CENPH: variants seen among roughly 807,000 people sequenced by gnomAD.
The protein encoded by CENPH is centromere protein H, also known as CENP-H.
Under a neutral mutation model 42.9 loss-of-function variants are expected in CENPH, and 40 were observed. The ratio of observed to expected loss-of-function variants is 0.93; its 90% confidence interval spans 0.72 to 1.21. The LOEUF (loss-of-function observed/expected upper bound fraction) is 1.21, where lower values mean the gene tolerates loss of function less well. Ranked by LOEUF, CENPH falls within the 50% of genes most tolerant of loss-of-function variation. The pLI, the probability that CENPH is intolerant of heterozygous loss-of-function variation, is 0.00. For synonymous variants in CENPH, 88 were observed against 96.5 expected, an observed-to-expected ratio of 0.91 and a Z score of 0.52; for missense variants, 302 against 292.9, an observed-to-expected ratio of 1.03 and a Z score of -0.23.
intron 3 of CENPH, 23 bp downstream of exon 3, chr5:69,194,718 G>A (rs772559883): frequency 1.6e-4 from 227 of 1,447,244 alleles, no homozygotes; most frequent in Non-Finnish European, 2.0e-4. Flanking sequence ...TAAAAATTTT[G>A]TTTATGGTCT....
intron 5 of CENPH, among the ~76,000 whole-genome samples, chr5:69,199,942 A>C (rs1352234946): frequency 6.6e-6 from 1 of 151,836 alleles, no homozygotes; most frequent in Non-Finnish European, 1.5e-5. Context: ...GTAAAACCCT[A>C]TCTCTACTAA....
intron 3 of CENPH, 39 bp from the exon 4 acceptor site, chr5:69,195,678 G>T (rs759391835): frequency 3.5e-6 from 4 of 1,142,922 alleles, no homozygotes; most frequent in East Asian, 2.4e-5. Flanking sequence ...GTCTTTTTCT[G>T]ATATTGCTGA....
At chr5:69,204,111 T>G (rs1433984991) in intron 7 of CENPH, among the ~76,000 whole-genome samples, 1 of 117,192 alleles carries the variant, frequency 8.5e-6, no homozygotes, top group Non-Finnish European at 1.8e-5. Context: ...TCAAATGATA[T>G]GTATGGATCT....
intron 5 of CENPH, among the ~76,000 whole-genome samples, chr5:69,197,994 C>T (rs1000100692): frequency 1.4e-5 from 2 of 139,316 alleles, no homozygotes; most frequent in Non-Finnish European, 3.0e-5. Flanking sequence ...GATCTCGGCT[C>T]ACTGCAACCT....
intron 5 of CENPH, among the ~76,000 whole-genome samples, chr5:69,199,418 C>T (rs1748021256): frequency 6.6e-6 from 1 of 152,178 alleles, no homozygotes; most frequent in African/African-American, 2.4e-5. Context: ...CAAAGGGATC[C>T]ACCTGCGTTG....
At chr5:69,198,485 T>G (rs1748004852) in intron 5 of CENPH, among the ~76,000 whole-genome samples, 1 of 152,148 alleles carries the variant, frequency 6.6e-6, no homozygotes, top group Non-Finnish European at 1.5e-5. Context: ...AGACGGGGTT[T>G]CACTATGTTG....
chr5:69,190,192 G>A (rs1192445713), intron 1 of CENPH, among the ~76,000 whole-genome samples: 1 of 152,166 alleles, frequency 6.6e-6, no homozygotes, highest in African/African-American at 2.4e-5. Flanking sequence ...TAAGCGGACG[G>A]TGTTTATACT....
chr5:69,202,701 TTCTC>T (rs1169759729), intron 6 of CENPH, 132 bp downstream of exon 6: 16 of 673,204 alleles, frequency 2.4e-5, no homozygotes, highest in Non-Finnish European at 3.8e-5. Flanking sequence ...TGTCCTTGAG[TTCTC>T]TCTTTTTTTC....
intron 5 of CENPH, among the ~76,000 whole-genome samples, chr5:69,198,952 A>C (rs530567917): frequency 7.6e-4 from 116 of 152,174 alleles, no homozygotes; most frequent in African/African-American, 2.1e-3. Context: ...CAAAAACAAA[A>C]AAAAAAAAGA....
At chr5:69,204,568 G>A (rs1290272662) in intron 7 of CENPH, among the ~76,000 whole-genome samples, 1 of 148,262 alleles carries the variant, frequency 6.7e-6, no homozygotes, top group Non-Finnish European at 1.5e-5. Flanking sequence ...AGGATTACAG[G>A]CATGAGCTAC....
chr5:69,199,225 C>T (rs555025108), intron 5 of CENPH, among the ~76,000 whole-genome samples: 60 of 152,284 alleles, frequency 3.9e-4, no homozygotes, highest in African/African-American at 1.3e-3. Flanking sequence ...GTTGCTCAGG[C>T]TGGAGTGCAG....
At chr5:69,205,277 G>T (rs140470593) in intron 7 of CENPH, among the ~76,000 whole-genome samples, 2,983 of 151,576 alleles carry the variant, frequency 0.02, 34 homozygotes, top group Middle Eastern at 0.072. Context: ...GTCCAAGCTG[G>T]AGTGCAGTGG....
intron 7 of CENPH, among the ~76,000 whole-genome samples, chr5:69,205,473 C>G (rs984886619): frequency 6.6e-6 from 1 of 151,988 alleles, no homozygotes; most frequent in South Asian, 2.1e-4. Context: ...GTGTTCTCCC[C>G]GCCTCTGCCT....
chr5:69,194,144 C>T (rs1747924865), intron 2 of CENPH, among the ~76,000 whole-genome samples: 1 of 151,922 alleles, frequency 6.6e-6, no homozygotes, highest in African/African-American at 2.4e-5. Flanking sequence ...TACACAAGTG[C>T]CACATTGTCT....
At chr5:69,208,099 C>T (rs1748190148) in intron 7 of CENPH, 97 bp from the exon 8 acceptor site, 1 of 608,206 alleles carries the variant, frequency 1.6e-6, no homozygotes, top group Non-Finnish European at 2.6e-6. Context: ...TTTCTCTTGA[C>T]TAAAATAACC....
chr5:69,197,969 G>A (rs562017751), intron 5 of CENPH, among the ~76,000 whole-genome samples: 295 of 139,104 alleles, frequency 2.1e-3, no homozygotes, highest in African/African-American at 7.5e-3. Flanking sequence ...CGCCCAGGCC[G>A]GAGTGCAGTG....
At chr5:69,208,097 G>C in intron 7 of CENPH, 99 bp from the exon 8 acceptor site, 3 of 589,272 alleles carry the variant, frequency 5.1e-6, no homozygotes, top group Non-Finnish European at 8.1e-6. Flanking sequence ...TTTTTCTCTT[G>C]ACTAAAATAA....
intron 8 of CENPH, among the ~76,000 whole-genome samples, chr5:69,209,343 G>C (rs908896409): frequency 6.6e-6 from 1 of 151,906 alleles, no homozygotes; most frequent in African/African-American, 2.4e-5. Context: ...CAAGAGACCA[G>C]CTGAGCCAAT....
intron 3 of CENPH, among the ~76,000 whole-genome samples, chr5:69,194,913 T>A (rs1446197105): frequency 3.4e-5 from 5 of 147,190 alleles, no homozygotes; most frequent in Admixed American, 6.9e-5. Context: ...CACCTGACTT[T>A]CTTTCTTTTT....
Sources: allele counts gnomAD v4.1 joint callset (sites outside exome capture counted in the v4.1 genomes callset), GRCh38; gene constraint gnomAD v4.1.1; transcripts MANE v1.5; gene names NCBI Gene and HGNC (gene_info 2026-07-23, HGNC 2026-07-21).